The following PYGO1 variants were observed in gnomAD, a reference collection of about 807,000 sequenced individuals.
PYGO1 encodes the protein pygopus homolog 1.
A neutral mutation model predicts 29.5 loss-of-function variants in PYGO1; 6 were observed. That is an observed-to-expected ratio of 0.20 (90% CI 0.11 to 0.40). The LOEUF (loss-of-function observed/expected upper bound fraction) is 0.40. PYGO1 is among the 10% of genes least tolerant of loss of function. The probability of loss-of-function intolerance (pLI) is 1.00; values close to 1 mark genes in which losing one functional copy is unlikely to be tolerated. For synonymous variants in PYGO1, 186 were observed against 180.5 expected, an observed-to-expected ratio of 1.03 and a Z score of -0.24; for missense variants, 515 against 514.9, an observed-to-expected ratio of 1.00 and a Z score of 0.00.
At chr15:55,550,977 A>G (rs1232011238) in intron 1 of PYGO1, among the ~76,000 whole-genome samples, 2 of 152,210 alleles carry the variant, frequency 1.3e-5, no homozygotes, top group Non-Finnish European at 2.9e-5. Flanking sequence ...TTAGATTCCC[A>G]TAAGAAATGC....
chr15:55,555,130 A>C (rs1298841851), intron 1 of PYGO1, among the ~76,000 whole-genome samples: 1 of 152,186 alleles, frequency 6.6e-6, no homozygotes, highest in East Asian at 1.9e-4. Context: ...GTCGCCTACA[A>C]AGGGAAACCA....
intron 1 of PYGO1, among the ~76,000 whole-genome samples, chr15:55,580,456 T>C (rs1348125086): frequency 1.3e-5 from 2 of 152,220 alleles, no homozygotes; most frequent in African/African-American, 2.4e-5. Context: ...TTTAGACCTG[T>C]TTCTGATGTT....
intron 1 of PYGO1, among the ~76,000 whole-genome samples, chr15:55,568,320 CTGTGTGTGTGTGTGTGTGTGTG>C (rs58177433): frequency 7.9e-6 from 1 of 125,826 alleles, no homozygotes; most frequent in Non-Finnish European, 1.6e-5. Context: ...TTCCTAGGTA[CTGTGTGTGTGTGTGTGTGTGTG>C]TGTGTGTGTG....
At position 55,547,358 on chromosome 15, in the gene PYGO1, C is replaced by T. The variant is rs558235770; in HGVS notation, c.136-211G>A. Among the ~76,000 whole-genome samples the T allele has an allele frequency of 7.2e-5, 11 of 152,134 alleles. No individual in the cohort carries two copies. The South Asian group carries it at 2.3e-3, about 32-fold the overall frequency. ...AAAAATATTTAGTTTTATTTCATTT[C>T]CAAAAGAAAATAAAGTATGATTTTC... On this transcript the variant is annotated intron_variant, in intron 2 of 2. Coordinates refer to ENST00000563719, the MANE Select transcript of PYGO1 (RefSeq NM_001367806.1).
intron 1 of PYGO1, among the ~76,000 whole-genome samples, chr15:55,549,918 T>C (rs62020035): frequency 0.054 from 8,264 of 152,264 alleles, 278 homozygotes; most frequent in Middle Eastern, 0.068. Context: ...TTCAACACCA[T>C]CTTCACCTCT....
At chr15:55,567,758 C>A (rs926321591) in intron 1 of PYGO1, among the ~76,000 whole-genome samples, 1 of 152,082 alleles carries the variant, frequency 6.6e-6, no homozygotes, top group Non-Finnish European at 1.5e-5. Context: ...AATCTATAAT[C>A]CATCTTAATT....
At chr15:55,554,592 C>A (rs2058895514) in intron 1 of PYGO1, among the ~76,000 whole-genome samples, 1 of 151,802 alleles carries the variant, frequency 6.6e-6, no homozygotes, top group African/African-American at 2.4e-5. Flanking sequence ...AAGGAGCATG[C>A]TGTAACCCAA....
At chr15:55,568,395 C>G (rs1053717336) in intron 1 of PYGO1, among the ~76,000 whole-genome samples, 4 of 147,786 alleles carry the variant, frequency 2.7e-5, no homozygotes, top group Non-Finnish European at 5.9e-5. Context: ...TGATGTGGCT[C>G]TCAGCTTGTA....
intron 1 of PYGO1, among the ~76,000 whole-genome samples, chr15:55,576,052 TG>T (rs2059000228): frequency 1.3e-5 from 2 of 152,216 alleles, no homozygotes; most frequent in South Asian, 4.1e-4. Context: ...TAAAAATAAC[TG>T]GTGTGGTTTC....
intron 1 of PYGO1, among the ~76,000 whole-genome samples, chr15:55,580,230 T>C (rs1057227293): frequency 2.0e-5 from 3 of 152,222 alleles, no homozygotes; most frequent in African/African-American, 7.2e-5. Flanking sequence ...AGCTTCTATT[T>C]GTCTTTTCCA....
At chr15:55,588,684 C>A, upstream of PYGO1, 9 of 1,119,908 alleles carry the variant, frequency 8.0e-6, no homozygotes, top group East Asian at 5.4e-5. Flanking sequence ...GAACGCCCGA[C>A]CCCGCGGCCG....
At chr15:55,551,229 T>C (rs2058877479) in intron 1 of PYGO1, among the ~76,000 whole-genome samples, 2 of 152,202 alleles carry the variant, frequency 1.3e-5, no homozygotes, top group Non-Finnish European at 2.9e-5. Context: ...ATTTCTGTTT[T>C]TTTGCAAGGC....
intron 1 of PYGO1, among the ~76,000 whole-genome samples, chr15:55,561,110 A>T (rs893923261): frequency 2.6e-5 from 4 of 152,192 alleles, no homozygotes; most frequent in Non-Finnish European, 5.9e-5. Context: ...CAGTAACCAA[A>T]ACAGCATGGT....
chr15:55,566,064 A>G (rs1057142164), intron 1 of PYGO1, among the ~76,000 whole-genome samples: 1 of 152,176 alleles, frequency 6.6e-6, no homozygotes, highest in South Asian at 2.1e-4. Flanking sequence ...TACAGGCGTG[A>G]GCCACCGTGT....
intron 1 of PYGO1, among the ~76,000 whole-genome samples, chr15:55,552,006 C>G (rs370691851): frequency 1.3e-5 from 2 of 151,916 alleles, no homozygotes; most frequent in African/African-American, 4.8e-5. Flanking sequence ...TCAATAGATG[C>G]ATAAAAGCAT....
chr15:55,569,112 T>A (rs1387920704), intron 1 of PYGO1, among the ~76,000 whole-genome samples: 1 of 152,072 alleles, frequency 6.6e-6, no homozygotes, highest in South Asian at 2.1e-4. Flanking sequence ...CTCATTCTAC[T>A]TTATAGAATG....
At chr15:55,549,584 TAA>T (rs2058869735) in intron 1 of PYGO1, among the ~76,000 whole-genome samples, 1 of 152,214 alleles carries the variant, frequency 6.6e-6, no homozygotes, top group Non-Finnish European at 1.5e-5. Context: ...AATCCATGTA[TAA>T]ATGCCTTTAG....
chr15:55,568,194 C>T (rs2058965076), intron 1 of PYGO1, among the ~76,000 whole-genome samples: 2 of 152,104 alleles, frequency 1.3e-5, no homozygotes, highest in African/African-American at 2.4e-5. Flanking sequence ...AGATTGATTC[C>T]TTCAATTCAT....
At chr15:55,551,495 C>G (rs2058878462) in intron 1 of PYGO1, among the ~76,000 whole-genome samples, 1 of 152,084 alleles carries the variant, frequency 6.6e-6, no homozygotes, top group African/African-American at 2.4e-5. Context: ...CAGACTAACA[C>G]CTCCTAAGAA....
Sources: gnomAD v4.1 joint callset for allele counts (sites outside exome capture counted in the v4.1 genomes callset) on GRCh38, gnomAD v4.1.1 for gene constraint, MANE v1.5 for transcripts, NCBI Gene and HGNC (gene_info 2026-07-23, HGNC 2026-07-21) for gene names.